Variants in MCM5 observed in about 807,000 individuals in gnomAD.
The protein encoded by MCM5 is minichromosome maintenance complex component 5, also known as DNA replication licensing factor MCM5.
A neutral mutation model predicts 79.9 loss-of-function variants in MCM5; 46 were observed. The ratio of observed to expected loss-of-function variants is 0.58; its 90% CI spans 0.45 to 0.74. The LOEUF is 0.74. Ranked by LOEUF, MCM5 falls within the 30% of genes least tolerant of loss-of-function variation. MCM5 has a pLI of 0.00. For synonymous variants in MCM5, 404 were observed against 390.5 expected, an observed-to-expected ratio of 1.03 and a Z score of -0.41; for missense variants, 883 against 1,017.0, an observed-to-expected ratio of 0.87 and a Z score of 1.79.
the MCM5 span, among the ~76,000 whole-genome samples, chr22:35,440,272 GC>G: frequency 6.6e-6 from 1 of 152,214 alleles, no homozygotes. Context: ...AGATCAGTAG[GC>G]CCCCCTGGGG....
the MCM5 span, among the ~76,000 whole-genome samples, chr22:35,441,438 T>C: frequency 1.3e-5 from 2 of 152,162 alleles, no homozygotes; most frequent in Admixed American, 1.3e-4. Flanking sequence ...CCCCACCACC[T>C]CTACAGGCGC....
the MCM5 span, among the ~76,000 whole-genome samples, chr22:35,441,075 AGT>A: frequency 6.6e-6 from 1 of 150,752 alleles, no homozygotes; most frequent in Admixed American, 6.6e-5. Flanking sequence ...AAAAAAAAAA[AGT>A]AAGATCCCAG....
At chr22:35,441,507 G>C in the MCM5 span, among the ~76,000 whole-genome samples, 2 of 152,198 alleles carry the variant, frequency 1.3e-5, no homozygotes, top group African/African-American at 4.8e-5. Flanking sequence ...CCATAGAGTA[G>C]GTGATTCCCT....
chr22:35,428,124 G>A (rs150901989), downstream of MCM5, among the ~76,000 whole-genome samples: 621 of 150,762 alleles, frequency 4.1e-3, 5 homozygotes, highest in African/African-American at 0.015. Flanking sequence ...AGGATCAAGC[G>A]ATTCTCCTGC....
At chr22:35,449,964 TG>T in the MCM5 span, among the ~76,000 whole-genome samples, 1 of 152,012 alleles carries the variant, frequency 6.6e-6, no homozygotes, top group Admixed American at 6.6e-5. Context: ...AATCTTTTTT[TG>T]TAAAGATGGG....
the MCM5 span, among the ~76,000 whole-genome samples, chr22:35,453,754 CAGACAGAG>C: frequency 6.3e-5 from 9 of 142,238 alleles, no homozygotes; most frequent in Non-Finnish European, 1.1e-4. Flanking sequence ...CAGAGACAGA[CAGACAGAG>C]AGGGACAAAT....
the MCM5 span, among the ~76,000 whole-genome samples, chr22:35,448,387 G>A: frequency 7.1e-6 from 1 of 141,544 alleles, no homozygotes; most frequent in African/African-American, 3.1e-5. Context: ...CCCCTCTGCA[G>A]AGTCCTCCCC....
intron 4 of MCM5, among the ~76,000 whole-genome samples, chr22:35,404,547 A>G (rs557088625): frequency 1.3e-5 from 2 of 152,326 alleles, no homozygotes; most frequent in South Asian, 2.1e-4. Flanking sequence ...TCGATTTCAC[A>G]TACCGGGCAA....
chr22:35,404,172 C>G (rs889926440), intron 4 of MCM5, among the ~76,000 whole-genome samples: 2 of 152,094 alleles, frequency 1.3e-5, no homozygotes, highest in African/African-American at 4.8e-5. Flanking sequence ...AGTTTTCTTA[C>G]ATAGTCTCAT....
the MCM5 span, among the ~76,000 whole-genome samples, chr22:35,438,725 A>T: frequency 5.0e-5 from 7 of 141,052 alleles, no homozygotes; most frequent in Middle Eastern, 3.5e-3. Flanking sequence ...CCATCCATCC[A>T]TCCATCCACA....
chr22:35,417,438 A>G (rs1321488315), intron 12 of MCM5, among the ~76,000 whole-genome samples: 2 of 152,208 alleles, frequency 1.3e-5, no homozygotes, highest in Admixed American at 6.5e-5. Context: ...TCCTATGTCC[A>G]TGCCCAAGTT....
the MCM5 span, among the ~76,000 whole-genome samples, chr22:35,438,226 TCCACCCACCCACCCACATATTC>T: frequency 4.2e-5 from 6 of 143,906 alleles, no homozygotes; most frequent in South Asian, 4.5e-4. Flanking sequence ...TATCCATCCA[TCCACCCACCCACCCACATATTC>T]ATCCACCCAC....
chr22:35,449,675 G>T, the MCM5 span, among the ~76,000 whole-genome samples: 1 of 152,206 alleles, frequency 6.6e-6, no homozygotes, highest in African/African-American at 2.4e-5. Context: ...GCAGTTTTCC[G>T]GCACCTTGCT....
chr22:35,441,391 C>T, the MCM5 span, among the ~76,000 whole-genome samples: 43 of 152,320 alleles, frequency 2.8e-4, no homozygotes, highest in Admixed American at 1.0e-3. Flanking sequence ...GGTTTGGGGA[C>T]CAGAACAGCA....
chr22:35,421,250 A>G (rs750445152), intron 14 of MCM5, 68 bp from the exon 15 acceptor site: 121 of 1,533,398 alleles, frequency 7.9e-5, no homozygotes, highest in Non-Finnish European at 1.0e-4. Context: ...CCTCCCTGGT[A>G]ACGGGCTGGC....
At position 35,425,018 on chromosome 22, in the gene MCM5, T is replaced by C. The variant is rs1932765624; in HGVS notation, c.*763T>C. The stretch of plus-strand genomic sequence containing the variant: ...TGGGCCACGTGTAACTGTGTGGCCT[T>C]GGGCGAGACATTTCACTTTTCTGTG... On this transcript the variant is annotated 3_prime_UTR_variant, in exon 17 of 17. Transcript: ENST00000216122. The C allele has an allele frequency of 6.6e-6, 1 of 152,214 alleles. No individual in the cohort carries two copies. The highest frequency in any genetic ancestry group is 2.4e-5 in the African/African-American group (1 of 41,442). 9.4% of individuals were successfully genotyped at this position (152,214 alleles called of 1,614,324 possible).
intron 16 of MCM5, 161 bp downstream of exon 16, chr22:35,423,502 T>C (rs1932745399): frequency 1.5e-5 from 10 of 688,762 alleles, no homozygotes; most frequent in Non-Finnish European, 1.9e-5. Flanking sequence ...CATCATTCCT[T>C]CCCTAGGGAC....
rs1402205586 is a variant in MCM5, at chr22:35,423,211, CAG to C, written c.1976-2_1976-1del. 6.4e-7 allele frequency: 1 copy of C among 1,568,950 alleles called. No homozygotes were observed. Among genetic ancestry groups the C allele is most frequent in the Non-Finnish European group, 8.7e-7 (1 of 1,151,136 alleles). On this transcript the variant is annotated splice_acceptor_variant, in intron 15 of 16. Coordinates refer to ENST00000216122, the MANE Select transcript of MCM5 (RefSeq NM_006739.4). LOFTEE classifies it high-confidence loss of function. The stretch of plus-strand genomic sequence containing the variant: ...CGGCTGCCTCACTTCTCCATGCCCA[CAG>C]GGGTGGAGGGCTTCACCAGCCAGGA...
chr22:35,409,039 T>C (rs1932300264), intron 6 of MCM5, among the ~76,000 whole-genome samples: 1 of 151,842 alleles, frequency 6.6e-6, no homozygotes, highest in South Asian at 2.1e-4. Flanking sequence ...CTCGGCTCAC[T>C]GCAAGCTCCA....
Sources: allele counts gnomAD v4.1 joint callset (sites outside exome capture counted in the v4.1 genomes callset), GRCh38; gene constraint gnomAD v4.1.1; transcripts MANE v1.5; gene names NCBI Gene and HGNC (gene_info 2026-07-23, HGNC 2026-07-21).